The following SCAMP1 variants were observed in gnomAD, a reference collection of about 807,000 sequenced individuals.
SCAMP1 encodes the protein secretory carrier-associated membrane protein 1.
SCAMP1 carries 15 observed loss-of-function variants against 41.8 expected under a neutral mutation model. The observed-to-expected ratio is 0.36, with a 90% CI of 0.24 to 0.55. SCAMP1 has a LOEUF of 0.55. Ranked by LOEUF, SCAMP1 falls within the 20% of genes least tolerant of loss-of-function variation. The probability of loss-of-function intolerance (pLI) is 0.86; values close to 1 mark genes in which losing one functional copy is unlikely to be tolerated. For synonymous variants in SCAMP1, 135 were observed against 136.8 expected, an observed-to-expected ratio of 0.99 and a Z score of 0.09; for missense variants, 341 against 412.6, an observed-to-expected ratio of 0.83 and a Z score of 1.50.
intron 6 of SCAMP1, among the ~76,000 whole-genome samples, chr5:78,432,912 A>G (rs1234298938): frequency 1.3e-5 from 2 of 151,956 alleles, no homozygotes; most frequent in African/African-American, 2.4e-5. Flanking sequence ...TAGATGTTCT[A>G]TTCTTTATTT....
At chr5:78,392,711 G>T (rs1202063834) in intron 2 of SCAMP1, among the ~76,000 whole-genome samples, 1 of 152,156 alleles carries the variant, frequency 6.6e-6, no homozygotes, top group East Asian at 1.9e-4. Flanking sequence ...TGATAATTGG[G>T]TGCATTTTCC....
intron 6 of SCAMP1, among the ~76,000 whole-genome samples, chr5:78,438,842 G>A (rs1445337869): frequency 6.6e-6 from 1 of 152,068 alleles, no homozygotes; most frequent in East Asian, 1.9e-4. Flanking sequence ...TTATTGTGTG[G>A]GAGTCTAAGT....
chr5:78,418,943 A>G, intron 5 of SCAMP1, 40 bp downstream of exon 5: 1 of 1,516,362 alleles, frequency 6.6e-7, no homozygotes, highest in Non-Finnish European at 8.8e-7. Flanking sequence ...TAGAATTTGT[A>G]TTTTTGTTGT....
At chr5:78,441,787 A>G (rs1752930707) in intron 6 of SCAMP1, among the ~76,000 whole-genome samples, 1 of 152,248 alleles carries the variant, frequency 6.6e-6, no homozygotes, top group East Asian at 1.9e-4. Flanking sequence ...GTGAGCCAAG[A>G]TTGAGCCACT....
chr5:78,374,935 T>TA (rs1751029594), intron 1 of SCAMP1, among the ~76,000 whole-genome samples: 1 of 152,134 alleles, frequency 6.6e-6, no homozygotes, highest in Non-Finnish European at 1.5e-5. Flanking sequence ...TAAATACACT[T>TA]GTCTTAGAGT....
At chr5:78,376,910 G>A (rs1225343007) in intron 1 of SCAMP1, among the ~76,000 whole-genome samples, 1 of 152,118 alleles carries the variant, frequency 6.6e-6, no homozygotes, top group Non-Finnish European at 1.5e-5. Flanking sequence ...CTGGGAAGAA[G>A]CAGTTGAACA....
chr5:78,366,513 T>G (rs149728686), intron 1 of SCAMP1, among the ~76,000 whole-genome samples: 138 of 152,276 alleles, frequency 9.1e-4, no homozygotes, highest in African/African-American at 3.1e-3. Context: ...CCTAGTCACC[T>G]CACAAAGTCT....
chr5:78,452,320 G>A (rs1753257332), intron 7 of SCAMP1, among the ~76,000 whole-genome samples: 1 of 141,748 alleles, frequency 7.1e-6, no homozygotes, highest in Admixed American at 7.1e-5. Flanking sequence ...ATCTCCCAAT[G>A]CTATCCCTCC....
chr5:78,463,769 G>A (rs1221812270), intron 8 of SCAMP1, among the ~76,000 whole-genome samples: 2 of 152,044 alleles, frequency 1.3e-5, no homozygotes, highest in African/African-American at 2.4e-5. Context: ...ATTAGGTTGT[G>A]TAGATATTAT....
chr5:78,379,315 GTTAC>G (rs1751141381), intron 1 of SCAMP1, among the ~76,000 whole-genome samples: 1 of 152,120 alleles, frequency 6.6e-6, no homozygotes, highest in Admixed American at 6.5e-5. Flanking sequence ...ATCATTTATC[GTTAC>G]TTAATTCTTT....
chr5:78,395,894 T>A (rs998944162), intron 2 of SCAMP1, among the ~76,000 whole-genome samples: 1 of 152,236 alleles, frequency 6.6e-6, no homozygotes, highest in Admixed American at 6.5e-5. Context: ...ATTCTCTTGG[T>A]TAGAAGCATG....
At chr5:78,382,607 A>G (rs1244987428) in intron 1 of SCAMP1, among the ~76,000 whole-genome samples, 1 of 152,108 alleles carries the variant, frequency 6.6e-6, no homozygotes, top group Non-Finnish European at 1.5e-5. Context: ...AGTTCATTGT[A>G]TCATTCTTAT....
intron 6 of SCAMP1, among the ~76,000 whole-genome samples, chr5:78,437,542 C>G (rs1230324301): frequency 1.3e-5 from 2 of 152,296 alleles, no homozygotes; most frequent in Middle Eastern, 3.4e-3. Context: ...TTGAACCAGC[C>G]TTGCATCCCA....
chr5:78,397,841 G>C (rs1026943871), intron 2 of SCAMP1, among the ~76,000 whole-genome samples: 1 of 152,132 alleles, frequency 6.6e-6, no homozygotes, highest in Non-Finnish European at 1.5e-5. Flanking sequence ...CAATAAGCAG[G>C]TGAAAAAATG....
At chr5:78,474,997 C>G (rs555952386) in intron 8 of SCAMP1, among the ~76,000 whole-genome samples, 1 of 151,968 alleles carries the variant, frequency 6.6e-6, no homozygotes. Context: ...GAGTGCATAG[C>G]GGCAATATGT....
chr5:78,448,346 A>G (rs966888185), intron 6 of SCAMP1, among the ~76,000 whole-genome samples: 2 of 147,800 alleles, frequency 1.4e-5, no homozygotes, highest in East Asian at 2.0e-4. Flanking sequence ...AGACACTCTT[A>G]AGAGAATGAA....
In SCAMP1 at chr5:78,479,308, A is replaced by G. The variant is rs942854151; in HGVS notation, c.*3640A>G. Among the ~76,000 whole-genome samples, 10 of 152,210 alleles carry G rather than the reference A, an allele frequency of 6.6e-5. No individual in the cohort carries two copies. Among genetic ancestry groups the G allele is most frequent in the Non-Finnish European group, 1.3e-4 (9 of 68,026 alleles). ...AATTTTAAAAAAATTGAGGATGGTT[A>G]AAAAATAGAAAACACCTTACTTTGA... On this transcript the variant is annotated 3_prime_UTR_variant, in exon 9 of 9. Transcript: ENST00000621999.
In SCAMP1 at chr5:78,479,879, A is replaced by G. The variant is rs545155035; in HGVS notation, c.*4211A>G. Among the ~76,000 whole-genome samples the G allele has an allele frequency of 6.7e-6, 1 of 149,104 alleles. No individual in the cohort carries two copies. Among genetic ancestry groups the G allele is most frequent in the Non-Finnish European group, 1.5e-5 (1 of 67,922 alleles). Reference sequence around the variant, plus strand: ...AACATGGTGAAACCCCATCTCTACTAAAAATACAAAAAAAAAATTAGCTGA... The same window carrying G: ...AACATGGTGAAACCCCATCTCTACTGAAAATACAAAAAAAAAATTAGCTGA... On this transcript the variant is annotated 3_prime_UTR_variant, in exon 9 of 9. Coordinates refer to ENST00000621999, the MANE Select transcript of SCAMP1 (RefSeq NM_004866.6).
At chr5:78,457,362 T>A (rs1453424464) in intron 7 of SCAMP1, among the ~76,000 whole-genome samples, 1 of 152,060 alleles carries the variant, frequency 6.6e-6, no homozygotes, top group African/African-American at 2.4e-5. Flanking sequence ...GATGGGTTTT[T>A]GGTGTGGATG....
Sources: allele counts gnomAD v4.1 joint callset (sites outside exome capture counted in the v4.1 genomes callset), GRCh38; gene constraint gnomAD v4.1.1; transcripts MANE v1.5; gene names NCBI Gene and HGNC (gene_info 2026-07-23, HGNC 2026-07-21).